Variants in EP400 observed in about 807,000 individuals in gnomAD.
EP400 encodes E1A-binding protein p400.
In EP400, 105 loss-of-function variants were observed where a neutral mutation model predicts 354.1. The observed-to-expected ratio is 0.30, with a 90% confidence interval of 0.25 to 0.35. The LOEUF is 0.35. Among genes scored for constraint, EP400 ranks in the 10% least tolerant of loss-of-function variants. The probability of loss-of-function intolerance (pLI) is 1.00; values close to 1 mark genes in which losing one functional copy is unlikely to be tolerated. For synonymous variants in EP400, 1,646 were observed against 1,716.9 expected, an observed-to-expected ratio of 0.96 and a Z score of 1.02; for missense variants, 3,280 against 4,121.0, an observed-to-expected ratio of 0.80 and a Z score of 5.59.
rs11246902 is a variant in EP400 at position 132,025,383 on chromosome 12, G to A, written c.4856-263G>A. 0.12 allele frequency among the ~76,000 whole-genome samples: 18,473 copies of A among 152,132 alleles called. 2,294 individuals are homozygous for A. The highest frequency in any genetic ancestry group is 0.31 in the African/African-American group (13,019 of 41,426). On this transcript the variant is annotated intron_variant, in intron 24 of 52. Coordinates refer to ENST00000389561, the MANE Select transcript of EP400 (RefSeq NM_015409.5). The surrounding 1 kb of genome is among the most constrained non-coding windows in gnomAD (Gnocchi z 4.1). ...CATGGCAGGTCCTCAGCAGCTGTGTGTCACCCACCTTCCATGAGGGACAGA... is the reference window on the plus strand; with the variant it reads ...CATGGCAGGTCCTCAGCAGCTGTGTATCACCCACCTTCCATGAGGGACAGA...
chr12:132,056,478 G>A (rs1048359652), intron 45 of EP400, among the ~76,000 whole-genome samples: 4 of 152,012 alleles, frequency 2.6e-5, no homozygotes, highest in Non-Finnish European at 5.9e-5. Context: ...AAGTGCCAAG[G>A]GAATTCAGTG....
In EP400 at chr12:132,018,146, T is replaced by G; in HGVS notation, c.4111-64T>G. 6.3e-7 allele frequency: 1 copy of G among 1,592,162 alleles called. No homozygotes were observed. Among genetic ancestry groups the G allele is most frequent in the African/African-American group, 1.4e-5 (1 of 73,302 alleles). ...TTAGGGCCCTGCCATAGAAATCAGTTTTGATTCTTAGGTGCTTTTTTTGCC... is the reference window on the plus strand; with the variant it reads ...TTAGGGCCCTGCCATAGAAATCAGTGTTGATTCTTAGGTGCTTTTTTTGCC... On this transcript the variant is annotated intron_variant, in intron 20 of 52. Coordinates refer to ENST00000389561, the MANE Select transcript of EP400 (RefSeq NM_015409.5). This position sits in a 1 kb window ranked among gnomAD's most constrained non-coding sequence, Gnocchi z 4.0.
At position 132,076,597 on chromosome 12, in the gene EP400, G is replaced by C; in HGVS notation, c.9099+4G>C. 2.5e-6 allele frequency: 4 copies of C among 1,609,686 alleles called. No individual in the cohort carries two copies. The highest frequency in any genetic ancestry group is 3.4e-6 in the Non-Finnish European group (4 of 1,176,756). On this transcript the variant is annotated splice_donor_region_variant and intron_variant, in intron 52 of 52. Transcript: ENST00000389561. ...AGTTGCCTCTGCTTCCCAGCAGGTA[G>C]GACGCATAGACAAAGTGGAAACCTC...
chr12:131,987,982 A>AAT, intron 7 of EP400, 92 bp downstream of exon 7: 91 of 628,436 alleles, frequency 1.4e-4, no homozygotes, highest in Non-Finnish European at 1.9e-4. Flanking sequence ...CTCCAGACCC[A>AAT]CTTTTTTTTT....
intron 30 of EP400, among the ~76,000 whole-genome samples, chr12:132,033,025 G>A (rs565278996): frequency 1.1e-4 from 17 of 152,228 alleles, no homozygotes; most frequent in South Asian, 2.1e-4. Flanking sequence ...CTGGTTCACC[G>A]CAACCTCCAC....
intron 37 of EP400, 151 bp downstream of exon 37, chr12:132,045,104 T>C (rs6598192): frequency 0.064 from 85,495 of 1,344,628 alleles, 2,983 homozygotes; most frequent in Middle Eastern, 0.11. Flanking sequence ...TCTCAGGCCA[T>C]GTGCACAGGT....
chr12:131,998,646 C>T (rs1893294719), intron 12 of EP400, among the ~76,000 whole-genome samples: 1 of 144,160 alleles, frequency 6.9e-6, no homozygotes, highest in African/African-American at 2.5e-5. Flanking sequence ...TCTTTGTATA[C>T]AGTCTTGTAT....
chr12:132,062,548 ACAGCAGCAGCAGCAG>A lies in EP400; in HGVS notation c.8211_8225del (p.Gln2744_Gln2748del), dbSNP rs528214697. On this transcript the variant is annotated inframe_deletion, in exon 47 of 53. Transcript: ENST00000389561. ...GGCAGCAGCAGCAGCAGCAGCAACA[ACAGCAGCAGCAGCAG>A]CAGCAGCAGCAGCAGCAGCAGCAGC... 2.8e-4 allele frequency: 440 copies of A among 1,564,248 alleles called. No individual in the cohort carries two copies. Among genetic ancestry groups the A allele is most frequent in the East Asian group, 2.2e-3 (95 of 43,182 alleles).
intron 29 of EP400, chr12:132,031,321 C>T (rs753644877): frequency 1.2e-5 from 6 of 519,040 alleles, no homozygotes; most frequent in East Asian, 5.4e-5. Context: ...CCCAGTAAGA[C>T]GCTGTTTTCT....
chr12:132,065,119 G>A, intron 48 of EP400: 2 of 740,128 alleles, frequency 2.7e-6, no homozygotes, highest in Non-Finnish European at 4.3e-6. Context: ...CTCAGGGCTT[G>A]AATTGAGGGG....
chr12:131,982,809 A>G (rs1378511304), intron 5 of EP400, among the ~76,000 whole-genome samples: 1 of 152,040 alleles, frequency 6.6e-6, no homozygotes, highest in East Asian at 1.9e-4. Flanking sequence ...GTCTCTACTA[A>G]AAATACAAAA....
intron 1 of EP400, among the ~76,000 whole-genome samples, chr12:131,956,103 C>T (rs1478630244): frequency 6.6e-6 from 1 of 152,176 alleles, no homozygotes; most frequent in African/African-American, 2.4e-5. Flanking sequence ...GTCTCTGTCC[C>T]CACCATTCTC....
chr12:131,979,904 A>G (rs1013890218), intron 3 of EP400, 111 bp downstream of exon 3: 19 of 824,210 alleles, frequency 2.3e-5, no homozygotes, highest in Admixed American at 1.7e-4. Flanking sequence ...GTTTCTTCCT[A>G]CTTTGAAAAT....
At chr12:132,034,025 C>T (rs1013432106) in intron 30 of EP400, among the ~76,000 whole-genome samples, 8 of 152,230 alleles carry the variant, frequency 5.3e-5, no homozygotes, top group South Asian at 2.1e-4. Flanking sequence ...TTCCCAGACA[C>T]GCTTCTGCTT....
chr12:132,031,856 G>C, intron 29 of EP400, 97 bp from the exon 30 acceptor site: 1 of 1,342,672 alleles, frequency 7.4e-7, no homozygotes, highest in Non-Finnish European at 1.0e-6. Context: ...CGCCCGGCCT[G>C]CTGTGGGATT....
At chr12:132,040,592 T>C (rs1301674784) in intron 32 of EP400, among the ~76,000 whole-genome samples, 5 of 152,228 alleles carry the variant, frequency 3.3e-5, no homozygotes, top group Non-Finnish European at 7.3e-5. Context: ...GGCACTGTTA[T>C]AAGCAGTGGG....
intron 23 of EP400, among the ~76,000 whole-genome samples, chr12:132,023,365 A>G (rs1894190184): frequency 8.1e-6 from 1 of 123,500 alleles, no homozygotes; most frequent in Non-Finnish European, 1.6e-5. Context: ...CCTGTTGTCC[A>G]GGCTGGTCTC....
At chr12:132,024,830 G>T (rs889823407) in intron 24 of EP400, among the ~76,000 whole-genome samples, 1 of 150,092 alleles carries the variant, frequency 6.7e-6, no homozygotes, top group African/African-American at 2.5e-5. Context: ...AGCCCCGGTG[G>T]CACCTTCCCC....
intron 30 of EP400, among the ~76,000 whole-genome samples, chr12:132,032,724 G>A (rs186834216): frequency 8.6e-5 from 13 of 150,970 alleles, no homozygotes; most frequent in Middle Eastern, 3.5e-3. Context: ...TCTGTCTCCC[G>A]GGTTCAAGCA....
Sources: gnomAD v4.1 joint callset for allele counts (sites outside exome capture counted in the v4.1 genomes callset) on GRCh38, gnomAD v4.1.1 for gene constraint, Gnocchi (gnomAD v3.1) non-coding constraint, MANE v1.5 for transcripts, NCBI Gene and HGNC (gene_info 2026-07-23, HGNC 2026-07-21) for gene names.